PCDH7: variants seen among roughly 807,000 people sequenced by gnomAD.
PCDH7 encodes the protein protocadherin-7.
In PCDH7, 17 loss-of-function variants were observed where a neutral mutation model predicts 58.9. That is an observed-to-expected ratio of 0.29 (90% CI 0.20 to 0.43). The LOEUF is 0.43. Among genes scored for constraint, PCDH7 ranks in the 20% least tolerant of loss-of-function variants. The pLI, the probability that PCDH7 is intolerant of heterozygous loss-of-function variation, is 1.00. For synonymous variants in PCDH7, 664 were observed against 616.4 expected (o/e 1.08, Z -1.14); for missense variants, 1,274 against 1,441.0 (o/e 0.88, Z 1.88).
chr4:30,731,367 A>G (rs1577570861), exon 2 of PCDH7: 2 of 146,300 alleles, frequency 1.4e-5, no homozygotes, highest in Non-Finnish European at 3.0e-5. Flanking sequence ...GTGTGTATAT[A>G]TATATATATG....
At position 30,722,405 on chromosome 4, in the gene PCDH7, T is replaced by G. The variant is rs763866155; in HGVS notation, c.983T>G (p.Leu328Arg). Residue 328 changes from leucine to arginine, a missense_variant, in exon 1 of 2, where the codon CTG (leucine) becomes CGG (arginine). Physicochemically the swap from Leu to Arg is moderately radical, Grantham distance 102 (BLOSUM62 -2). This residue lies in a region of PCDH7 where 331 missense variants were observed against 303.2 expected (regional missense o/e 1.09). Coordinates refer to ENST00000361762, the Ensembl canonical transcript of PCDH7. This position sits in a 1 kb window ranked among gnomAD's most constrained non-coding sequence, Gnocchi z 7.6. ...AACAGCGCCCCGGGGACCCCCATCC[T>G]GCAACTGCGCGCAGCCGACTTGGAC... The G allele has an allele frequency of 3.1e-6, 5 of 1,612,544 alleles. No homozygotes were observed. The highest frequency in any genetic ancestry group is 2.2e-5 in the East Asian group (1 of 44,806).
intron 1 of PCDH7, among the ~76,000 whole-genome samples, chr4:30,754,948 G>A (rs940221587): frequency 2.6e-5 from 4 of 152,194 alleles, no homozygotes; most frequent in Admixed American, 1.3e-4. Context: ...CAAGGTGTGT[G>A]TAGGCTGATT....
At chr4:31,113,777 T>G (rs1716633161) in intron 3 of PCDH7, among the ~76,000 whole-genome samples, 1 of 152,080 alleles carries the variant, frequency 6.6e-6, no homozygotes, top group African/African-American at 2.4e-5. Context: ...TGCCATACTT[T>G]TAATGTTAAC....
downstream of PCDH7, among the ~76,000 whole-genome samples, chr4:30,733,966 C>T (rs960105019): frequency 1.3e-5 from 2 of 152,014 alleles, no homozygotes; most frequent in Non-Finnish European, 2.9e-5. Flanking sequence ...TCCAATTATT[C>T]GACTGGACTT....
In PCDH7 at chr4:30,721,372, C is replaced by A. The variant is rs1355511839; in HGVS notation, c.-51C>A. ...GGCGGCCGGCCCCGGAGGAGGGGGGCGCCGAGGGGGCTGTGGTTAGAAGGA... is the reference window on the plus strand; with the variant it reads ...GGCGGCCGGCCCCGGAGGAGGGGGGAGCCGAGGGGGCTGTGGTTAGAAGGA... On this transcript the variant is annotated 5_prime_UTR_variant, in exon 1 of 2. Transcript: ENST00000361762. The surrounding 1 kb of genome is among the most constrained non-coding windows in gnomAD (Gnocchi z 6.7). The A allele has an allele frequency of 4.2e-6, 6 of 1,421,486 alleles. No homozygotes were observed. Among genetic ancestry groups the A allele is most frequent in the East Asian group, 2.6e-5 (1 of 38,788 alleles). The allele number at this position is 1,421,486 out of a possible 1,614,324, so 88.1% of individuals were successfully genotyped here. A position where few individuals can be genotyped will look rare whatever the true frequency, so the allele number is the denominator to read the frequency against.
chr4:30,778,536 C>T (rs1381507705), intron 1 of PCDH7, among the ~76,000 whole-genome samples: 1 of 151,918 alleles, frequency 6.6e-6, no homozygotes, highest in Non-Finnish European at 1.5e-5. Context: ...TTTTCAAACT[C>T]TTCAAAAATA....
intron 1 of PCDH7, among the ~76,000 whole-genome samples, chr4:30,916,200 C>T (rs1032619102): frequency 2.0e-5 from 3 of 152,144 alleles, no homozygotes; most frequent in Admixed American, 1.3e-4. Context: ...CCTTGCTGTC[C>T]GTTTTCACTG....
chr4:30,973,798 C>T (rs992277446), intron 3 of PCDH7, among the ~76,000 whole-genome samples: 2 of 151,612 alleles, frequency 1.3e-5, no homozygotes, highest in African/African-American at 4.8e-5. Context: ...AATCTATCTC[C>T]ATTTCGCCTC....
At chr4:30,829,314 CA>C (rs1409790895) in intron 1 of PCDH7, among the ~76,000 whole-genome samples, 8 of 152,010 alleles carry the variant, frequency 5.3e-5, no homozygotes, top group South Asian at 2.1e-4. Context: ...AAATTAAATA[CA>C]TATAAATATA....
chr4:30,803,454 T>C (rs1725791585), intron 1 of PCDH7, among the ~76,000 whole-genome samples: 2 of 152,084 alleles, frequency 1.3e-5, no homozygotes, highest in Non-Finnish European at 2.9e-5. Flanking sequence ...TTTTTTTTCT[T>C]AGAGACAGGG....
At chr4:30,914,356 G>T (rs1218006104) in intron 1 of PCDH7, among the ~76,000 whole-genome samples, 3 of 151,924 alleles carry the variant, frequency 2.0e-5, no homozygotes, top group Admixed American at 6.6e-5. Flanking sequence ...CCTATAGGAG[G>T]GTATGTCCTT....
chr4:31,000,189 C>G (rs1343767265), intron 3 of PCDH7, among the ~76,000 whole-genome samples: 1 of 151,990 alleles, frequency 6.6e-6, no homozygotes, highest in African/African-American at 2.4e-5. Context: ...CTGAAGAGGG[C>G]AAACATTTTA....
intron 3 of PCDH7, among the ~76,000 whole-genome samples, chr4:31,000,501 T>A (rs1752277842): frequency 6.6e-6 from 1 of 152,106 alleles, no homozygotes; most frequent in South Asian, 2.1e-4. Flanking sequence ...TGGAAAATTA[T>A]TTTCTATGTC....
intron 1 of PCDH7, among the ~76,000 whole-genome samples, chr4:30,861,613 G>C (rs1734210194): frequency 6.6e-6 from 1 of 152,128 alleles, no homozygotes; most frequent in South Asian, 2.1e-4. Context: ...TATAGTTAAA[G>C]TAATGGGATT....
intron 1 of PCDH7, among the ~76,000 whole-genome samples, chr4:30,832,010 A>G (rs1307459187): frequency 6.6e-6 from 1 of 152,150 alleles, no homozygotes; most frequent in Admixed American, 6.6e-5. Context: ...CAGTACTTAA[A>G]CGATTCTCAA....
At chr4:30,808,232 G>C (rs1174033469) in intron 1 of PCDH7, among the ~76,000 whole-genome samples, 1 of 152,172 alleles carries the variant, frequency 6.6e-6, no homozygotes, top group Non-Finnish European at 1.5e-5. Context: ...TATGACCAAA[G>C]AGCTGCTATA....
At chr4:30,968,287 ACTCT>A (rs199837200) in intron 3 of PCDH7, among the ~76,000 whole-genome samples, 3,373 of 112,348 alleles carry the variant, frequency 0.03, 467 homozygotes, top group African/African-American at 0.1. Context: ...GAAAAAAATT[ACTCT>A]CTCTCTCTCT....
At chr4:31,050,221 GTCAGAT>G (rs1474025417) in intron 3 of PCDH7, among the ~76,000 whole-genome samples, 1 of 152,104 alleles carries the variant, frequency 6.6e-6, no homozygotes, top group Non-Finnish European at 1.5e-5. Flanking sequence ...CTGGATTTGT[GTCAGAT>G]TCATTGCACA....
At chr4:30,809,991 A>G (rs1726770573) in intron 1 of PCDH7, among the ~76,000 whole-genome samples, 1 of 152,144 alleles carries the variant, frequency 6.6e-6, no homozygotes, top group Admixed American at 6.5e-5. Context: ...CAGCTAACTC[A>G]GTGTGGCAGG....
Sources: allele counts gnomAD v4.1 joint callset (sites outside exome capture counted in the v4.1 genomes callset), GRCh38; gene constraint gnomAD v4.1.1; regional missense constraint gnomAD v4.1.1; non-coding constraint Gnocchi (gnomAD v3.1); transcripts MANE v1.5; gene names NCBI Gene and HGNC (gene_info 2026-07-23, HGNC 2026-07-21).